The following KLRG1 variants were observed in gnomAD, a reference collection of about 807,000 sequenced individuals.
KLRG1 encodes the protein killer cell lectin-like receptor subfamily G member 1.
A neutral mutation model predicts 21.8 loss-of-function variants in KLRG1; 16 were observed. The ratio of observed to expected loss-of-function variants is 0.73; its 90% CI spans 0.50 to 1.11. The LOEUF is 1.11. KLRG1 is among the 50% of genes most tolerant of loss of function. The probability of loss-of-function intolerance (pLI) is 0.00; values close to 1 mark genes in which losing one functional copy is unlikely to be tolerated. For synonymous variants in KLRG1, 69 were observed against 75.9 expected (o/e 0.91, Z 0.47); for missense variants, 173 against 218.3 (o/e 0.79, Z 1.31).
chr12:9,142,676 A>G, the KLRG1 span, among the ~76,000 whole-genome samples: 5 of 152,182 alleles, frequency 3.3e-5, no homozygotes, highest in African/African-American at 1.2e-4. Flanking sequence ...CAGTAGTTAT[A>G]AGATTTTTTT....
At chr12:9,045,138 GA>G in the KLRG1 span, among the ~76,000 whole-genome samples, 3 of 151,558 alleles carry the variant, frequency 2.0e-5, no homozygotes. Context: ...TCACAACAAG[GA>G]AAAAAAACTG....
chr12:9,018,957 C>A, the KLRG1 span, among the ~76,000 whole-genome samples: 1 of 151,892 alleles, frequency 6.6e-6, no homozygotes, highest in African/African-American at 2.4e-5. Flanking sequence ...AAACTTCTAC[C>A]CAGCAAAGGA....
At chr12:9,017,641 G>T in the KLRG1 span, among the ~76,000 whole-genome samples, 2 of 152,156 alleles carry the variant, frequency 1.3e-5, no homozygotes, top group Admixed American at 1.3e-4. Flanking sequence ...ATATGAGACA[G>T]ACCCACAGGT....
chr12:9,154,027 C>T, the KLRG1 span, among the ~76,000 whole-genome samples: 46 of 152,150 alleles, frequency 3.0e-4, no homozygotes, highest in African/African-American at 1.1e-3. Flanking sequence ...AAGCTGAGTT[C>T]CTTGGAGTAG....
At chr12:9,077,282 A>G in the KLRG1 span, 5 of 1,412,244 alleles carry the variant, frequency 3.5e-6, no homozygotes, top group East Asian at 9.3e-5. Flanking sequence ...TATTTCAGAC[A>G]GCAGGTCAGC....
chr12:9,179,005 C>T, the KLRG1 span, among the ~76,000 whole-genome samples: 1 of 152,106 alleles, frequency 6.6e-6, no homozygotes, highest in Non-Finnish European at 1.5e-5. Flanking sequence ...GGTAATAATA[C>T]CTCCCAAACA....
At chr12:9,043,528 G>C in the KLRG1 span, among the ~76,000 whole-genome samples, 2 of 152,210 alleles carry the variant, frequency 1.3e-5, no homozygotes. Flanking sequence ...AGAAGATGAG[G>C]CTTTTGAGGA....
At chr12:9,145,162 T>C in the KLRG1 span, among the ~76,000 whole-genome samples, 1 of 152,232 alleles carries the variant, frequency 6.6e-6, no homozygotes, top group South Asian at 2.1e-4. Flanking sequence ...TTTACTCAAT[T>C]TGCATTTAAA....
chr12:8,975,588 G>A (rs759183106), intron 1 of KLRG1, among the ~76,000 whole-genome samples: 11 of 151,616 alleles, frequency 7.3e-5, no homozygotes, highest in Non-Finnish European at 1.6e-4. Context: ...TTTTGAGACA[G>A]GGTCTTGTTC....
the KLRG1 span, among the ~76,000 whole-genome samples, chr12:9,076,402 A>G: frequency 4.1e-4 from 63 of 152,232 alleles, no homozygotes; most frequent in Non-Finnish European, 4.9e-4. Flanking sequence ...CCAAGCTCAC[A>G]TAGGTAGCAC....
At chr12:9,049,777 G>A in the KLRG1 span, among the ~76,000 whole-genome samples, 1 of 152,156 alleles carries the variant, frequency 6.6e-6, no homozygotes, top group African/African-American at 2.4e-5. Flanking sequence ...TGGAGCTTCT[G>A]CTAAGCCATC....
chr12:8,960,411 G>C (rs1031350749), intron 1 of KLRG1, among the ~76,000 whole-genome samples: 2 of 152,190 alleles, frequency 1.3e-5, no homozygotes. Context: ...CAAAGGAGTA[G>C]GCAGAACAAC....
chr12:9,088,960 C>G, the KLRG1 span, among the ~76,000 whole-genome samples: 2 of 152,162 alleles, frequency 1.3e-5, no homozygotes, highest in South Asian at 4.1e-4. Context: ...ATACACTGGT[C>G]AGAAAGTCAT....
the KLRG1 span, among the ~76,000 whole-genome samples, chr12:9,184,916 AG>A: frequency 6.6e-6 from 1 of 152,230 alleles, no homozygotes. Flanking sequence ...ATAGGATAAA[AG>A]GAAAAAATCA....
intron 3 of KLRG1, among the ~76,000 whole-genome samples, chr12:9,007,409 C>A (rs7953214): frequency 0.39 from 59,291 of 151,896 alleles, 12,001 homozygotes; most frequent in African/African-American, 0.51. Context: ...TACAGGTGCC[C>A]GCCACCATGC....
the KLRG1 span, among the ~76,000 whole-genome samples, chr12:9,179,171 A>G: frequency 1.6e-3 from 250 of 152,340 alleles, no homozygotes; most frequent in Admixed American, 3.7e-3. Flanking sequence ...TAAATAGGTT[A>G]GACAAGTAGT....
chr12:9,126,985 T>C, the KLRG1 span, among the ~76,000 whole-genome samples: 1 of 152,206 alleles, frequency 6.6e-6, no homozygotes, highest in Non-Finnish European at 1.5e-5. Context: ...CCGCGGTCTA[T>C]GAGTAAAAGC....
the KLRG1 span, chr12:9,110,005 G>A: frequency 6.2e-7 from 1 of 1,613,020 alleles, no homozygotes; most frequent in Non-Finnish European, 8.5e-7. Flanking sequence ...TGGAAACTCT[G>A]CCATTGTGCG....
the KLRG1 span, among the ~76,000 whole-genome samples, chr12:9,044,297 G>T: frequency 1.3e-5 from 2 of 152,144 alleles, no homozygotes; most frequent in Admixed American, 1.3e-4. Context: ...CTAGTATGAA[G>T]AGACGCTTTA....
Sources: gnomAD v4.1 joint callset for allele counts (sites outside exome capture counted in the v4.1 genomes callset) on GRCh38, gnomAD v4.1.1 for gene constraint, MANE v1.5 for transcripts, NCBI Gene and HGNC (gene_info 2026-07-23, HGNC 2026-07-21) for gene names.